The following BCAS3 variants were observed in gnomAD, a reference collection of about 807,000 sequenced individuals.
BCAS3 encodes BCAS4/BCAS3 fusion.
A neutral mutation model predicts 116.1 loss-of-function variants in BCAS3; 53 were observed. That is an observed-to-expected ratio of 0.46 (90% CI 0.37 to 0.57). The LOEUF (loss-of-function observed/expected upper bound fraction) is 0.57, where lower values mean the gene tolerates loss of function less well. BCAS3 is among the 20% of genes least tolerant of loss of function. The pLI, the probability that BCAS3 is intolerant of heterozygous loss-of-function variation, is 0.00. For missense variants in BCAS3, 917 were observed against 1,165.4 expected (o/e 0.79, Z 3.10); for synonymous variants, 391 against 408.2 (o/e 0.96, Z 0.51).
intron 22 of BCAS3, among the ~76,000 whole-genome samples, chr17:61,234,336 GTGATTACTCC>G (rs1354109965): frequency 3.3e-5 from 5 of 152,104 alleles, no homozygotes; most frequent in East Asian, 3.9e-4. Context: ...TTGGCCTAGA[GTGATTACTCC>G]TGATTACTCC....
At chr17:60,924,354 C>T (rs1459293575) in intron 12 of BCAS3, 53 bp from the exon 13 acceptor site, 26 of 1,504,490 alleles carry the variant, frequency 1.7e-5, no homozygotes, top group Non-Finnish European at 2.2e-5. Context: ...GCTTCAAGCT[C>T]GGTTATCAGT....
intron 6 of BCAS3, among the ~76,000 whole-genome samples, chr17:60,756,355 G>A (rs1228728486): frequency 6.6e-6 from 1 of 152,122 alleles, no homozygotes; most frequent in African/African-American, 2.4e-5. Context: ...TGCGGCCCAG[G>A]AGTTGGGGAC....
intron 14 of BCAS3, among the ~76,000 whole-genome samples, chr17:60,951,784 T>C (rs868305021): frequency 1.9e-3 from 282 of 147,532 alleles, no homozygotes; most frequent in African/African-American, 6.9e-3. Context: ...TTTTTTTTTT[T>C]TTCTTTGGAG....
chr17:61,037,845 T>C lies in BCAS3; in HGVS notation c.1763-44T>C, dbSNP rs1474085118. 2 of 1,562,592 alleles carry C rather than the reference T, an allele frequency of 1.3e-6. No individual in the cohort carries two copies. Among genetic ancestry groups the C allele is most frequent in the East Asian group, 4.5e-5 (2 of 44,148 alleles). On this transcript the variant is annotated intron_variant, in intron 17 of 23. Coordinates refer to ENST00000407086, the MANE Select transcript of BCAS3 (RefSeq NM_017679.5). This position sits in a 1 kb window ranked among gnomAD's most constrained non-coding sequence, Gnocchi z 4.7. Reference sequence around the variant, plus strand: ...CTTGTAAAAATTATTCTGTGCTCCATTTATGCCATCATAACACATCGGGTT... The same window carrying C: ...CTTGTAAAAATTATTCTGTGCTCCACTTATGCCATCATAACACATCGGGTT...
At chr17:61,284,718 C>T (rs2051575453) in intron 22 of BCAS3, among the ~76,000 whole-genome samples, 2 of 151,404 alleles carry the variant, frequency 1.3e-5, no homozygotes, top group Admixed American at 6.6e-5. Flanking sequence ...GCTTTTCAGC[C>T]TATGTGGGCA....
chr17:61,099,201 A>G (rs752445022), intron 22 of BCAS3, among the ~76,000 whole-genome samples: 7 of 152,206 alleles, frequency 4.6e-5, no homozygotes, highest in Non-Finnish European at 1.0e-4. Context: ...CAGAGGGGGA[A>G]AAATGATGGC....
In BCAS3 at chr17:60,964,436, T is replaced by C. The variant is rs1035308176; in HGVS notation, c.1221+17084T>C. Among the ~76,000 whole-genome samples, 3 of 152,186 alleles carry C rather than the reference T, an allele frequency of 2.0e-5. No homozygotes were observed. The highest frequency in any genetic ancestry group is 4.4e-5 in the Non-Finnish European group (3 of 68,008). On this transcript the variant is annotated intron_variant, in intron 14 of 23. Transcript: ENST00000407086. This position sits in a 1 kb window ranked among gnomAD's most constrained non-coding sequence, Gnocchi z 4.6. The stretch of plus-strand genomic sequence containing the variant: ...TAGTGTGTTGTTGAATTCTGTTTGC[T>C]AGTATTTTGTTGAGGATTTTCACAT...
intron 22 of BCAS3, among the ~76,000 whole-genome samples, chr17:61,321,725 G>A (rs1053883016): frequency 2.0e-5 from 3 of 152,230 alleles, no homozygotes; most frequent in African/African-American, 7.2e-5. Context: ...AATCGTTCTA[G>A]TCTCTGAGAA....
rs547610754 is a variant in BCAS3, at chr17:60,993,551, A to G, written c.1486+3316A>G. ...GTGTAGTTTTTCTCATTTTTGAAGCATGGACTTTAGAGTGATGGTCATTTT... is the reference window on the plus strand; with the variant it reads ...GTGTAGTTTTTCTCATTTTTGAAGCGTGGACTTTAGAGTGATGGTCATTTT... On this transcript the variant is annotated intron_variant, in intron 15 of 23. Transcript: ENST00000407086. The surrounding 1 kb of genome is among the most constrained non-coding windows in gnomAD (Gnocchi z 4.2). Among the ~76,000 whole-genome samples the G allele has an allele frequency of 2.6e-5, 4 of 152,276 alleles. No homozygotes were observed. Among genetic ancestry groups the G allele is most frequent in the Non-Finnish European group, 1.5e-5 (1 of 68,002 alleles).
At chr17:60,815,951 C>T (rs529296636) in intron 7 of BCAS3, among the ~76,000 whole-genome samples, 10 of 152,292 alleles carry the variant, frequency 6.6e-5, no homozygotes, top group African/African-American at 2.4e-4. Flanking sequence ...GCTTCCTATA[C>T]GAGTAGTTAT....
intron 5 of BCAS3, among the ~76,000 whole-genome samples, chr17:60,715,474 A>C (rs1364364740): frequency 8.6e-5 from 13 of 151,956 alleles, no homozygotes; most frequent in Admixed American, 8.5e-4. Context: ...CAATTATTTC[A>C]AAATATCATA....
intron 10 of BCAS3, among the ~76,000 whole-genome samples, chr17:60,894,161 T>C (rs1051228117): frequency 6.6e-6 from 1 of 152,112 alleles, no homozygotes; most frequent in Non-Finnish European, 1.5e-5. Flanking sequence ...ATCTATAGAT[T>C]TCTCTGGCCA....
chr17:61,192,246 C>CAAAAAAAAAAAAAACAAAAAAAAAAA (rs567914691), intron 22 of BCAS3, among the ~76,000 whole-genome samples: 1 of 70,678 alleles, frequency 1.4e-5, no homozygotes, highest in Non-Finnish European at 2.8e-5. Flanking sequence ...GCTCTGTTAC[C>CAAAAAAAAAAAAAACAAAAAAAAAAA]AAAAAAAAAA....
chr17:60,915,948 G>C (rs748989661), intron 12 of BCAS3, among the ~76,000 whole-genome samples: 5 of 152,072 alleles, frequency 3.3e-5, no homozygotes, highest in Non-Finnish European at 7.3e-5. Flanking sequence ...CTCCCAAAGG[G>C]CTGGAATTAC....
chr17:60,776,946 C>T (rs9896216), intron 6 of BCAS3, among the ~76,000 whole-genome samples: 27,505 of 146,456 alleles, frequency 0.19, 3,949 homozygotes, highest in African/African-American at 0.41. Context: ...ACCCAGGAGG[C>T]GGAGGTTGCG....
At chr17:61,169,518 C>G (rs908568343) in intron 22 of BCAS3, among the ~76,000 whole-genome samples, 2 of 152,106 alleles carry the variant, frequency 1.3e-5, no homozygotes, top group Non-Finnish European at 2.9e-5. Context: ...TGCAATCCTC[C>G]CATCTTGGCC....
chr17:60,907,729 A>G (rs979749993), intron 11 of BCAS3, among the ~76,000 whole-genome samples: 1 of 152,056 alleles, frequency 6.6e-6, no homozygotes, highest in Non-Finnish European at 1.5e-5. Flanking sequence ...CTAATTTTTC[A>G]TCTCCTTTTG....
intron 14 of BCAS3, among the ~76,000 whole-genome samples, chr17:60,977,992 T>C (rs1196362636): frequency 1.4e-5 from 2 of 141,744 alleles, no homozygotes; most frequent in African/African-American, 6.3e-5. Flanking sequence ...AGCAGCATGA[T>C]TTATAGTCCT....
chr17:61,072,023 A>G (rs142773175), intron 19 of BCAS3, among the ~76,000 whole-genome samples: 1 of 152,188 alleles, frequency 6.6e-6, no homozygotes, highest in African/African-American at 2.4e-5. Flanking sequence ...TATTTTTTAT[A>G]TTGCCCATCT....
Sources: allele counts gnomAD v4.1 joint callset (sites outside exome capture counted in the v4.1 genomes callset), GRCh38; gene constraint gnomAD v4.1.1; non-coding constraint Gnocchi (gnomAD v3.1); transcripts MANE v1.5; gene names NCBI Gene and HGNC (gene_info 2026-07-23, HGNC 2026-07-21).